FIGN: variants seen among roughly 807,000 people sequenced by gnomAD.
FIGN encodes fidgetin, microtubule severing factor, also known as fidgetin.
A neutral mutation model predicts 51.3 loss-of-function variants in FIGN; 11 were observed. That is an observed-to-expected ratio of 0.21 (90% CI 0.13 to 0.35). The LOEUF (loss-of-function observed/expected upper bound fraction) is 0.35. Ranked by LOEUF, FIGN falls within the 10% of genes least tolerant of loss-of-function variation. The pLI is 1.00. For synonymous variants in FIGN, 407 were observed against 363.2 expected, an observed-to-expected ratio of 1.12 and a Z score of -1.37; for missense variants, 857 against 943.6, an observed-to-expected ratio of 0.91 and a Z score of 1.20.
intron 2 of FIGN, among the ~76,000 whole-genome samples, chr2:163,684,393 T>C (rs186521979): frequency 1.3e-5 from 2 of 152,352 alleles, no homozygotes; most frequent in Admixed American, 6.5e-5. Context: ...ACAAATATTA[T>C]CAAGCTGGAT....
chr2:163,637,077 TCAAA>T lies in FIGN; in HGVS notation c.26-25275_26-25272del, dbSNP rs548792889. Among the ~76,000 whole-genome samples, 421 of 152,190 alleles carry T rather than the reference TCAAA, an allele frequency of 2.8e-3. 2 individuals are homozygous for T. The highest frequency in any genetic ancestry group is 0.011 in the South Asian group (52 of 4,824). On this transcript the variant is annotated intron_variant, in intron 2 of 2. Coordinates refer to ENST00000333129, the MANE Select transcript of FIGN (RefSeq NM_018086.4). ...CTGGGCGACACAGTGAGACACCGTC[TCAAA>T]CAAACAAACAAAAAACGGAACACAG...
rs1427866268 is a variant in FIGN, at chr2:163,653,565, G to A, written c.26-41759C>T. 3.9e-5 allele frequency among the ~76,000 whole-genome samples: 6 copies of A among 151,908 alleles called. No individual in the cohort carries two copies. In the East Asian group the frequency reaches 1.2e-3, roughly 29 times the overall value. On this transcript the variant is annotated intron_variant, in intron 2 of 2. Coordinates refer to ENST00000333129, the MANE Select transcript of FIGN (RefSeq NM_018086.4). ...TCAATTTTCTCCAGAAGCCAATTAT[G>A]GTTTCAGCTTCTTTTGTGATTTATT...
chr2:163,660,101 AAAAAAATAAAAAAAAAC>A (rs1254744533), intron 2 of FIGN, among the ~76,000 whole-genome samples: 33 of 152,036 alleles, frequency 2.2e-4, no homozygotes, highest in African/African-American at 7.5e-4. Context: ...ACTCTATCTC[AAAAAAATAAAAAAAAAC>A]AAAAAATAAA....
In FIGN at chr2:163,665,005, A is replaced by G. The variant is rs185143143; in HGVS notation, c.26-53199T>C. On this transcript the variant is annotated intron_variant, in intron 2 of 2. Coordinates refer to ENST00000333129, the MANE Select transcript of FIGN (RefSeq NM_018086.4). The stretch of plus-strand genomic sequence containing the variant: ...CTGGTGAAATGAACTATAGTTTTGT[A>G]TAGTAATTCAGAAGATAATTGATTA... 2.5e-3 allele frequency among the ~76,000 whole-genome samples: 381 copies of G among 152,192 alleles called. 2 individuals carry two copies. The highest frequency in any genetic ancestry group is 8.8e-3 in the African/African-American group (367 of 41,510).
intron 2 of FIGN, among the ~76,000 whole-genome samples, chr2:163,695,653 T>C (rs1684306883): frequency 6.6e-6 from 1 of 152,216 alleles, no homozygotes; most frequent in Non-Finnish European, 1.5e-5. Flanking sequence ...GTGACCATCC[T>C]GGGCAAACTA....
At chr2:163,726,868 C>T (rs147000285) in intron 2 of FIGN, among the ~76,000 whole-genome samples, 134 of 152,108 alleles carry the variant, frequency 8.8e-4, no homozygotes, top group African/African-American at 2.8e-3. Flanking sequence ...TTGAAAAGTA[C>T]AAACTATTAA....
chr2:163,630,936 T>G (rs188946299), intron 2 of FIGN, among the ~76,000 whole-genome samples: 6 of 152,342 alleles, frequency 3.9e-5, no homozygotes, highest in African/African-American at 9.6e-5. Flanking sequence ...ACAAATACAT[T>G]GCTATCCTAT....
At chr2:163,718,065 G>A (rs1331338805) in intron 2 of FIGN, among the ~76,000 whole-genome samples, 4 of 152,032 alleles carry the variant, frequency 2.6e-5, no homozygotes, top group South Asian at 2.1e-4. Context: ...CAGGGGGGAG[G>A]GGGGAGAGTG....
chr2:163,649,769 G>A (rs1559008599), intron 2 of FIGN, among the ~76,000 whole-genome samples: 1 of 152,194 alleles, frequency 6.6e-6, no homozygotes, highest in South Asian at 2.1e-4. Context: ...GAAGCCAAGG[G>A]TAAAATGGCA....
At chr2:163,615,810 T>C (rs566830055) in intron 2 of FIGN, among the ~76,000 whole-genome samples, 3 of 152,140 alleles carry the variant, frequency 2.0e-5, no homozygotes, top group Non-Finnish European at 2.9e-5. Context: ...CAGAAAACAG[T>C]GGAAAGTAAG....
chr2:163,627,077 A>G (rs1055886052), intron 2 of FIGN, among the ~76,000 whole-genome samples: 3 of 152,194 alleles, frequency 2.0e-5, no homozygotes, highest in East Asian at 1.9e-4. Flanking sequence ...AGAAATGACT[A>G]TAAGTATACT....
Position 163,609,434 on chromosome 2 carries a change from A to T in FIGN, c.*118T>A. The stretch of plus-strand genomic sequence containing the variant: ...ACTCTAAAGATGCAACTTAATCGTC[A>T]TCTTCCCCAGTACCCTTTGCAATTT... On this transcript the variant is annotated 3_prime_UTR_variant, in exon 3 of 3. Coordinates refer to ENST00000333129, the MANE Select transcript of FIGN (RefSeq NM_018086.4). The T allele has an allele frequency of 1.2e-6, 1 of 844,522 alleles. No individual in the cohort carries two copies. The highest frequency in any genetic ancestry group is 1.8e-6 in the Non-Finnish European group (1 of 557,792). The allele number at this position is 844,522 out of a possible 1,614,324, so 52.3% of individuals were successfully genotyped here.
intron 2 of FIGN, among the ~76,000 whole-genome samples, chr2:163,699,260 TG>T (rs2105349683): frequency 6.6e-6 from 1 of 152,306 alleles, no homozygotes; most frequent in East Asian, 1.9e-4. Flanking sequence ...TTTTATCAGA[TG>T]TTTTTAGTTC....
intron 2 of FIGN, among the ~76,000 whole-genome samples, chr2:163,672,250 C>CT (rs1445036410): frequency 2.0e-4 from 23 of 113,756 alleles, no homozygotes; most frequent in African/African-American, 8.7e-4. Flanking sequence ...TTCAATGGCT[C>CT]TAAAAAAAAA....
At chr2:163,624,323 G>A (rs936731301) in intron 2 of FIGN, among the ~76,000 whole-genome samples, 10 of 151,586 alleles carry the variant, frequency 6.6e-5, no homozygotes, top group Non-Finnish European at 1.0e-4. Context: ...AGAATTGAAA[G>A]GTGAGCCTAT....
intron 2 of FIGN, among the ~76,000 whole-genome samples, chr2:163,660,681 A>ATATACACATATACACATATATG (rs1683639647): frequency 1.6e-5 from 2 of 122,934 alleles, no homozygotes; most frequent in African/African-American, 3.3e-5. Context: ...ATATATATAT[A>ATATACACATATACACATATATG]TATACACATA....
At chr2:163,712,960 G>T (rs1684610941) in intron 2 of FIGN, among the ~76,000 whole-genome samples, 1 of 152,120 alleles carries the variant, frequency 6.6e-6, no homozygotes, top group Admixed American at 6.5e-5. Context: ...TTCACCTCAT[G>T]ACAGACAAAC....
chr2:163,696,246 A>G (rs964136332), intron 2 of FIGN, among the ~76,000 whole-genome samples: 3 of 152,226 alleles, frequency 2.0e-5, no homozygotes, highest in African/African-American at 7.2e-5. Flanking sequence ...AAAAATTCTT[A>G]ATAAGAGCAG....
chr2:163,666,153 A>G (rs1683769977), intron 2 of FIGN, among the ~76,000 whole-genome samples: 1 of 152,176 alleles, frequency 6.6e-6, no homozygotes, highest in Non-Finnish European at 1.5e-5. Context: ...AGTTTGGTAG[A>G]AAGAATATGG....
Sources: gnomAD v4.1 joint callset for allele counts (sites outside exome capture counted in the v4.1 genomes callset) on GRCh38, gnomAD v4.1.1 for gene constraint, MANE v1.5 for transcripts, NCBI Gene and HGNC (gene_info 2026-07-23, HGNC 2026-07-21) for gene names.